SLC2A13: variants seen among roughly 807,000 people sequenced by gnomAD.
SLC2A13 encodes proton myo-inositol cotransporter.
SLC2A13 carries 32 observed loss-of-function variants against 64.4 expected under a neutral mutation model. The observed-to-expected ratio is 0.50, with a 90% confidence interval of 0.37 to 0.67. The LOEUF (loss-of-function observed/expected upper bound fraction) is 0.67, where lower values mean the gene tolerates loss of function less well. Among genes scored for constraint, SLC2A13 ranks in the 30% least tolerant of loss-of-function variants. The pLI, the probability that SLC2A13 is intolerant of heterozygous loss-of-function variation, is 0.00. For synonymous variants in SLC2A13, 338 were observed against 327.1 expected, an observed-to-expected ratio of 1.03 and a Z score of -0.36; for missense variants, 743 against 829.2, an observed-to-expected ratio of 0.90 and a Z score of 1.28.
At chr12:39,768,680 G>A (rs563384786) in intron 7 of SLC2A13, among the ~76,000 whole-genome samples, 3 of 152,058 alleles carry the variant, frequency 2.0e-5, no homozygotes, top group South Asian at 4.2e-4. Context: ...CGTCTTATAC[G>A]GGTGCAGTTT....
intron 3 of SLC2A13, among the ~76,000 whole-genome samples, chr12:39,998,887 T>A (rs1947277886): frequency 6.6e-6 from 1 of 152,162 alleles, no homozygotes; most frequent in Non-Finnish European, 1.5e-5. Flanking sequence ...TCCCACATGT[T>A]GTAGGAGAGA....
At chr12:40,076,553 A>G (rs1429529308) in intron 1 of SLC2A13, among the ~76,000 whole-genome samples, 1 of 152,178 alleles carries the variant, frequency 6.6e-6, no homozygotes, top group African/African-American at 2.4e-5. Context: ...CCAGTCCACC[A>G]TTGATGAACA....
intron 7 of SLC2A13, among the ~76,000 whole-genome samples, chr12:39,777,280 T>C (rs1001959248): frequency 2.6e-5 from 4 of 152,140 alleles, no homozygotes; most frequent in African/African-American, 9.7e-5. Context: ...ATTGAAATAA[T>C]AGCAACAAAC....
chr12:40,064,000 T>C lies in SLC2A13; in HGVS notation c.557-15790A>G, dbSNP rs531854947. 9.6e-4 allele frequency among the ~76,000 whole-genome samples: 146 copies of C among 152,156 alleles called. 1 individual carries two copies. The highest frequency in any genetic ancestry group is 3.4e-3 in the African/African-American group (142 of 41,516). ...ACTCATGCCTGTAATCCCAGCACTT[T>C]CAGAGGCCAAGATGAGAGGATCGCT... On this transcript the variant is annotated intron_variant, in intron 1 of 9. Coordinates refer to ENST00000280871, the MANE Select transcript of SLC2A13 (RefSeq NM_052885.4).
chr12:39,768,408 G>C (rs1012185689), intron 7 of SLC2A13, among the ~76,000 whole-genome samples: 10 of 152,014 alleles, frequency 6.6e-5, no homozygotes, highest in Admixed American at 2.6e-4. Context: ...GTCACAATTT[G>C]GCTATTTGGT....
chr12:39,776,626 C>T (rs1349954736), intron 7 of SLC2A13, among the ~76,000 whole-genome samples: 1 of 152,162 alleles, frequency 6.6e-6, no homozygotes, highest in Admixed American at 6.5e-5. Flanking sequence ...ACGGAGTTGA[C>T]AGTGATGGAG....
In SLC2A13 at chr12:39,757,182, G is replaced by A. The variant is rs1939991294; in HGVS notation, c.*2844C>T. On this transcript the variant is annotated 3_prime_UTR_variant, in exon 10 of 10. Coordinates refer to ENST00000280871, the MANE Select transcript of SLC2A13 (RefSeq NM_052885.4). Reference sequence around the variant, plus strand: ...GCAGATCAGACATCCAGCCTCAATAGGGATTTGGACCTTCTTCATTGTATT... The same window carrying A: ...GCAGATCAGACATCCAGCCTCAATAAGGATTTGGACCTTCTTCATTGTATT... 1 of 150,856 alleles carries A rather than the reference G, an allele frequency of 6.6e-6. No homozygotes were observed. The highest frequency in any genetic ancestry group is 2.4e-5 in the African/African-American group (1 of 41,250). The allele number at this position is 150,856 out of a possible 1,614,324, so 9.3% of individuals were successfully genotyped here.
At chr12:39,825,999 T>C (rs916722521) in intron 7 of SLC2A13, among the ~76,000 whole-genome samples, 3 of 152,156 alleles carry the variant, frequency 2.0e-5, no homozygotes, top group Non-Finnish European at 4.4e-5. Context: ...GATAAATATC[T>C]TTCTGTTGTT....
At chr12:39,925,906 C>A (rs1441448919) in intron 4 of SLC2A13, among the ~76,000 whole-genome samples, 1 of 152,098 alleles carries the variant, frequency 6.6e-6, no homozygotes, top group Non-Finnish European at 1.5e-5. Flanking sequence ...AACAATTTTC[C>A]TTCTTTGTCT....
chr12:39,804,378 C>T (rs1941900515), intron 7 of SLC2A13, among the ~76,000 whole-genome samples: 1 of 152,124 alleles, frequency 6.6e-6, no homozygotes, highest in Admixed American at 6.6e-5. Flanking sequence ...TGTGAAGCAA[C>T]ACTGATTAAT....
intron 1 of SLC2A13, among the ~76,000 whole-genome samples, chr12:40,068,764 CAAAAA>C (rs59875265): frequency 1.5e-5 from 2 of 132,244 alleles, no homozygotes; most frequent in Non-Finnish European, 3.3e-5. Context: ...ACATACTCTA[CAAAAA>C]AAAAAAATCA....
At chr12:39,803,286 A>C (rs551604808) in intron 7 of SLC2A13, among the ~76,000 whole-genome samples, 1 of 152,160 alleles carries the variant, frequency 6.6e-6, no homozygotes, top group Non-Finnish European at 1.5e-5. Context: ...AACCGTGATG[A>C]AAATAGACTT....
At chr12:39,966,808 G>C (rs933533097) in intron 3 of SLC2A13, among the ~76,000 whole-genome samples, 4 of 152,140 alleles carry the variant, frequency 2.6e-5, no homozygotes, top group African/African-American at 9.7e-5. Flanking sequence ...TTAAATGTCT[G>C]TGGGTATCTA....
chr12:39,938,206 A>C (rs1399011702), intron 4 of SLC2A13, among the ~76,000 whole-genome samples: 1 of 152,130 alleles, frequency 6.6e-6, no homozygotes, highest in Non-Finnish European at 1.5e-5. Context: ...TTTCTCATGT[A>C]ATCACATTTG....
intron 4 of SLC2A13, among the ~76,000 whole-genome samples, chr12:39,881,420 C>T (rs952305459): frequency 2.0e-5 from 3 of 152,062 alleles, no homozygotes; most frequent in African/African-American, 7.2e-5. Flanking sequence ...TGCATCATTT[C>T]CTCACGACTG....
At chr12:39,903,074 A>T (rs1157383674) in intron 4 of SLC2A13, among the ~76,000 whole-genome samples, 1 of 152,160 alleles carries the variant, frequency 6.6e-6, no homozygotes, top group Non-Finnish European at 1.5e-5. Flanking sequence ...GGCCATAGGA[A>T]CATCGTAATA....
At chr12:39,940,825 A>G (rs1211523613) in intron 4 of SLC2A13, among the ~76,000 whole-genome samples, 1 of 151,942 alleles carries the variant, frequency 6.6e-6, no homozygotes, top group Admixed American at 6.6e-5. Context: ...CAAGCAGTAT[A>G]TACTGCACCA....
At chr12:40,044,880 C>G (rs138100348) in intron 2 of SLC2A13, among the ~76,000 whole-genome samples, 17 of 152,092 alleles carry the variant, frequency 1.1e-4, no homozygotes, top group Non-Finnish European at 1.6e-4. Context: ...AGATTATAAA[C>G]GCTTGAAAGC....
intron 4 of SLC2A13, among the ~76,000 whole-genome samples, chr12:39,903,679 T>C (rs1399387999): frequency 6.6e-6 from 1 of 152,036 alleles, no homozygotes; most frequent in Non-Finnish European, 1.5e-5. Context: ...AACAAGGATA[T>C]ATATAACCAG....
Sources: gnomAD v4.1 joint callset for allele counts (sites outside exome capture counted in the v4.1 genomes callset) on GRCh38, gnomAD v4.1.1 for gene constraint, MANE v1.5 for transcripts, NCBI Gene and HGNC (gene_info 2026-07-23, HGNC 2026-07-21) for gene names.